CNGA2: variants seen among roughly 807,000 people sequenced by gnomAD.
CNGA2 encodes the protein cyclic nucleotide gated channel subunit alpha 2.
A neutral mutation model predicts 35.9 loss-of-function variants in CNGA2; 22 were observed. The ratio of observed to expected loss-of-function variants is 0.61; its 90% CI spans 0.44 to 0.88. CNGA2 has a LOEUF of 0.88. Among genes scored for constraint, CNGA2 ranks in the 40% least tolerant of loss-of-function variants. CNGA2 has a pLI of 0.00. For missense variants in CNGA2, 555 were observed against 530.8 expected (o/e 1.05, Z -0.45); for synonymous variants, 217 against 209.2 (o/e 1.04, Z -0.32).
Position 151,744,526 on chromosome X carries a change from A to G in CNGA2, c.*28A>G. On this transcript the variant is annotated 3_prime_UTR_variant, in exon 7 of 7. Transcript: ENST00000329903. The stretch of plus-strand genomic sequence containing the variant: ...CCTGGGGCCCAACTGCCTCTCCAGC[A>G]TTGGCCTTGGCCTTGATCCCAGAAG... 3.2e-6 allele frequency: 3 copies of G among 944,212 alleles called. No homozygotes were observed. The highest frequency in any genetic ancestry group is 4.2e-6 in the Non-Finnish European group (3 of 716,192). 77.8% of individuals were successfully genotyped at this position (944,212 alleles called of 1,213,427 possible).
At chrX:151,736,429 G>A (rs986476627) in intron 1 of CNGA2, among the ~76,000 whole-genome samples, 1 of 111,945 alleles carries the variant, frequency 8.9e-6, no homozygotes, top group Non-Finnish European at 1.9e-5. Flanking sequence ...TCTACTCAGG[G>A]CAGAGGCTGC....
chrX:151,735,731 G>A (rs918282013), intron 1 of CNGA2, among the ~76,000 whole-genome samples: 1 of 111,731 alleles, frequency 9.0e-6, no homozygotes, highest in Non-Finnish European at 1.9e-5. Context: ...AACAGCAACA[G>A]CAAGACAGAG....
chrX:151,740,123 G>C (rs1338564240), intron 4 of CNGA2, among the ~76,000 whole-genome samples: 1 of 112,146 alleles, frequency 8.9e-6, no homozygotes, highest in African/African-American at 3.3e-5. Flanking sequence ...CATGTAGAGG[G>C]ATGGAGGAGA....
intron 4 of CNGA2, among the ~76,000 whole-genome samples, chrX:151,740,399 C>A (rs923177884): frequency 1.8e-5 from 2 of 112,320 alleles, no homozygotes; most frequent in African/African-American, 6.5e-5. Context: ...TCACCTGGAG[C>A]ACCTCTCTCT....
chrX:151,744,227 G>A lies in CNGA2; in HGVS notation c.1724G>A (p.Arg575Gln), dbSNP rs762872027. 10 of 1,207,817 alleles carry A rather than the reference G, an allele frequency of 8.3e-6. No individual in the cohort carries two copies. Among genetic ancestry groups the A allele is most frequent in the East Asian group, 3.0e-5 (1 of 33,677 alleles). The stretch of plus-strand genomic sequence containing the variant: ...AAGAAAGTCCTAGAAGAGAGGGGTC[G>A]GGAGATCCTCATGAAGGAGGGACTG... ...DAKKVLEERG[R>Q]EILMKEGLLD... The change falls in exon 7 of 7, where the codon CGG (arginine) becomes CAG (glutamine). Residue 575 changes from arginine (R) to glutamine (Q), a missense_variant. Arg to Gln is a conservative substitution (Grantham distance 43, BLOSUM62 1). Coordinates refer to ENST00000329903, the MANE Select transcript of CNGA2 (RefSeq NM_005140.3).
Position 151,743,212 on chromosome X carries a change from G to T in CNGA2, c.709G>T (p.Ala237Ser), listed in dbSNP as rs1432604859. 13 of 1,200,421 alleles carry T rather than the reference G, an allele frequency of 1.1e-5. No homozygotes were observed. The highest frequency in any genetic ancestry group is 3.0e-5 in the East Asian group (1 of 33,423). The change falls in exon 7 of 7, where the codon GCT (alanine) becomes TCT (serine). Residue 237 changes from alanine (A) to serine (S), a missense_variant. Coordinates refer to ENST00000329903, the MANE Select transcript of CNGA2 (RefSeq NM_005140.3). ...SIIPTDLIYFAVDIHSPEVRF... is the reference protein window; with the variant it reads ...SIIPTDLIYFSVDIHSPEVRF... ...CATCCCCACTGACCTGATCTATTTTGCTGTGGACATCCACAGCCCTGAGGT... is the reference window on the plus strand; with the variant it reads ...CATCCCCACTGACCTGATCTATTTTTCTGTGGACATCCACAGCCCTGAGGT...
At position 151,743,196 on chromosome X, in the gene CNGA2, T is replaced by C. The variant is rs766381419; in HGVS notation, c.693T>C (p.Thr231=). The C allele has an allele frequency of 1.7e-6, 2 of 1,199,911 alleles. No individual in the cohort carries two copies. Among genetic ancestry groups the C allele is most frequent in the African/African-American group, 3.7e-5 (2 of 53,788 alleles). Residue 231 remains threonine (T), a synonymous_variant, in exon 7 of 7, where the codon ACT becomes ACC. Coordinates refer to ENST00000329903, the MANE Select transcript of CNGA2 (RefSeq NM_005140.3). ...FKLDVASIIP[T]DLIYFAVDIH... is the part of the protein sequence containing the mutation. ...TGGATGTGGCTTCCATCATCCCCAC[T>C]GACCTGATCTATTTTGCTGTGGACA...
In CNGA2 at chrX:151,739,558, C is replaced by G. The variant is rs1404056129; in HGVS notation, c.204-4C>G. 8.3e-7 allele frequency: 1 copy of G among 1,210,442 alleles called. No individual in the cohort carries two copies. Among genetic ancestry groups the G allele is most frequent in the Admixed American group, 2.2e-5 (1 of 45,985 alleles). On this transcript the variant is annotated splice_region_variant and splice_polypyrimidine_tract_variant and intron_variant, in intron 3 of 6. Transcript: ENST00000329903. ...GGCTCATACTCTTTTTCTCTCACCT[C>G]TAGGATAGTTCGCCTGGTGGGGATC...
intron 6 of CNGA2, 73 bp downstream of exon 6, chrX:151,742,715 G>C: frequency 1.3e-6 from 1 of 791,897 alleles, no homozygotes; most frequent in Non-Finnish European, 1.9e-6. Flanking sequence ...ACTGGACATG[G>C]TGTTGGACTA....
intron 5 of CNGA2, among the ~76,000 whole-genome samples, chrX:151,741,720 G>A (rs945573409): frequency 1.8e-4 from 20 of 112,402 alleles, no homozygotes; most frequent in African/African-American, 6.4e-4. Flanking sequence ...TTAGATACTT[G>A]AGGATGGTGG....
chrX:151,742,375 A>C (rs2015313337), intron 5 of CNGA2, among the ~76,000 whole-genome samples, 161 bp from the exon 6 acceptor site: 1 of 111,581 alleles, frequency 9.0e-6, no homozygotes, highest in African/African-American at 3.3e-5. Flanking sequence ...GTGGGGCAGA[A>C]GTTACTTGTA....
rs2015344917 is a variant in CNGA2, at chrX:151,743,918, C to T, written c.1415C>T (p.Pro472Leu). ...LLVELVLKLR[P>L]QVFSPGDYIC... ...GTAGAGCTGGTACTGAAACTCCGTC[C>T]TCAGGTCTTCAGTCCTGGGGATTAC... The change falls in exon 7 of 7, where the codon CCT becomes CTT. Residue 472 changes from proline to leucine, a missense_variant. Pro to Leu is a moderately conservative substitution (Grantham distance 98). Coordinates refer to ENST00000329903, the MANE Select transcript of CNGA2 (RefSeq NM_005140.3). 2 of 1,211,103 alleles carry T rather than the reference C, an allele frequency of 1.7e-6. No homozygotes were observed. The highest frequency in any genetic ancestry group is 3.5e-5 in the African/African-American group (2 of 57,606).
In CNGA2 at chrX:151,743,168, A is replaced by G; in HGVS notation, c.665A>G (p.Lys222Arg). The change falls in exon 7 of 7, where the codon AAG becomes AGG. Residue 222 changes from lysine (K) to arginine (R), a missense_variant. Lys to Arg is a conservative substitution (Grantham distance 26). Coordinates refer to ENST00000329903, the MANE Select transcript of CNGA2 (RefSeq NM_005140.3). ...AACTACATCCACACCCTGCAGTTCA[A>G]GCTGGATGTGGCTTCCATCATCCCC... Reference protein sequence around the residue: ...RDNYIHTLQFKLDVASIIPTD... With the variant: ...RDNYIHTLQFRLDVASIIPTD... 8.3e-7 allele frequency: 1 copy of G among 1,204,787 alleles called. No homozygotes were observed. The highest frequency in any genetic ancestry group is 1.1e-6 in the Non-Finnish European group (1 of 893,526).
Position 151,744,509 on chromosome X carries a change from C to T in CNGA2, c.*11C>T, listed in dbSNP as rs2015356330. 2 of 1,145,740 alleles carry T rather than the reference C, an allele frequency of 1.7e-6. No individual in the cohort carries two copies. Among genetic ancestry groups the T allele is most frequent in the Admixed American group, 2.6e-5 (1 of 38,828 alleles). The allele number at this position is 1,145,740 out of a possible 1,213,427, so 94.4% of individuals were successfully genotyped here. A position where few individuals can be genotyped will look rare whatever the true frequency, so the allele number is the denominator to read the frequency against. Reference sequence around the variant, plus strand: ...GCTGACGAGCCATAAGACCTGGGGCCCAACTGCCTCTCCAGCATTGGCCTT... The same window carrying T: ...GCTGACGAGCCATAAGACCTGGGGCTCAACTGCCTCTCCAGCATTGGCCTT... On this transcript the variant is annotated 3_prime_UTR_variant, in exon 7 of 7. Transcript: ENST00000329903.
intron 1 of CNGA2, among the ~76,000 whole-genome samples, chrX:151,735,360 C>A (rs1319652580): frequency 1.8e-5 from 2 of 112,102 alleles, no homozygotes; most frequent in African/African-American, 6.5e-5. Flanking sequence ...TGTTTGGTAT[C>A]TCCTGTCTGT....
chrX:151,738,757 C>A, intron 2 of CNGA2, 30 bp from the exon 3 acceptor site: 1 of 1,149,119 alleles, frequency 8.7e-7, no homozygotes, highest in African/African-American at 1.8e-5. Context: ...CCCTGAGAAC[C>A]CTGGGTCAAT....
In CNGA2 at chrX:151,744,109, C is replaced by T. The variant is rs142292266; in HGVS notation, c.1606C>T (p.Arg536Cys). ...NIKGSKMGNR[R>C]TANIRSLGYS... The stretch of plus-strand genomic sequence containing the variant: ...TAAGGGCAGTAAAATGGGCAATCGA[C>T]GCACAGCTAATATCCGCAGCCTGGG... Residue 536 changes from arginine to cysteine, a missense_variant, in exon 7 of 7, where the codon CGC becomes TGC. Coordinates refer to ENST00000329903, the MANE Select transcript of CNGA2 (RefSeq NM_005140.3). The T allele has an allele frequency of 3.5e-4, 422 of 1,208,317 alleles. No individual in the cohort carries two copies. Among genetic ancestry groups the T allele is most frequent in the Admixed American group, 1.5e-3 (67 of 45,522 alleles).
chrX:151,742,027 T>C (rs773236222), intron 5 of CNGA2, among the ~76,000 whole-genome samples: 2 of 112,807 alleles, frequency 1.8e-5, no homozygotes, highest in African/African-American at 6.4e-5. Context: ...TTTTAAAAAG[T>C]TCTGCAACCT....
In CNGA2 at chrX:151,743,811, C is replaced by T. The variant is rs763518565; in HGVS notation, c.1308C>T (p.Leu436=). The change falls in exon 7 of 7, where the codon CTC becomes CTT. Residue 436 remains leucine, a synonymous_variant. Coordinates refer to ENST00000329903, the MANE Select transcript of CNGA2 (RefSeq NM_005140.3). ...REILKNLPAK[L]RAEIAINVHL... ...TTCTCAAGAATCTGCCAGCCAAGCT[C>T]AGGGCTGAGATAGCCATCAATGTCC... is the stretch of plus-strand genomic sequence containing the variant. 4.1e-6 allele frequency: 5 copies of T among 1,209,866 alleles called. No individual in the cohort carries two copies. The highest frequency in any genetic ancestry group is 5.6e-6 in the Non-Finnish European group (5 of 895,261).
Sources: allele counts gnomAD v4.1 joint callset (sites outside exome capture counted in the v4.1 genomes callset), GRCh38; gene constraint gnomAD v4.1.1; transcripts MANE v1.5; gene names NCBI Gene and HGNC (gene_info 2026-07-23, HGNC 2026-07-21).